The following VTI1A variants were observed in gnomAD, a reference collection of about 807,000 sequenced individuals.
VTI1A encodes the protein vesicle transport through interaction with t-SNAREs 1A, also known as vesicle transport through interaction with t-SNAREs homolog 1A.
A neutral mutation model predicts 34.9 loss-of-function variants in VTI1A; 22 were observed. The ratio of observed to expected loss-of-function variants is 0.63; its 90% confidence interval spans 0.45 to 0.90. The LOEUF is 0.90. Ranked by LOEUF, VTI1A falls within the 40% of genes least tolerant of loss-of-function variation. The pLI, the probability that VTI1A is intolerant of heterozygous loss-of-function variation, is 0.00. For missense variants in VTI1A, 268 were observed against 275.6 expected (o/e 0.97, Z 0.20); for synonymous variants, 87 against 97.3 (o/e 0.89, Z 0.62).
chr10:112,842,891 G>A, the VTI1A span, among the ~76,000 whole-genome samples: 8 of 152,188 alleles, frequency 5.3e-5, no homozygotes, highest in African/African-American at 1.7e-4. Context: ...AAGTAGGAAG[G>A]GTTCCAATAC....
chr10:112,661,747 T>C (rs1847461251), intron 5 of VTI1A, among the ~76,000 whole-genome samples: 2 of 151,248 alleles, frequency 1.3e-5, no homozygotes, highest in South Asian at 4.2e-4. Context: ...GAATGTATCT[T>C]TTTTTTCTGC....
At chr10:112,700,573 A>G (rs1848976291) in intron 7 of VTI1A, among the ~76,000 whole-genome samples, 1 of 152,206 alleles carries the variant, frequency 6.6e-6, no homozygotes, top group African/African-American at 2.4e-5. Context: ...TATCAGAGCT[A>G]GAATTTGAAT....
chr10:112,518,928 A>G (rs1849909478), intron 3 of VTI1A, among the ~76,000 whole-genome samples: 1 of 151,944 alleles, frequency 6.6e-6, no homozygotes, highest in Non-Finnish European at 1.5e-5. Context: ...GTTTTGGGTC[A>G]CCCTAGTATA....
chr10:112,538,240 T>C lies in VTI1A; in HGVS notation c.343-6T>C. 1 of 1,611,174 alleles carries C rather than the reference T, an allele frequency of 6.2e-7. No individual in the cohort carries two copies. The highest frequency in any genetic ancestry group is 8.5e-7 in the Non-Finnish European group (1 of 1,179,054). Reference sequence around the variant, plus strand: ...TGATTTTTTTTTCCCCCTTTTTCTTTTTCAGAGGGCACATCTGCTCGATAA... The same window carrying C: ...TGATTTTTTTTTCCCCCTTTTTCTTCTTCAGAGGGCACATCTGCTCGATAA... On this transcript the variant is annotated splice_polypyrimidine_tract_variant and splice_region_variant and intron_variant, in intron 4 of 7. Transcript: ENST00000393077.
At chr10:112,749,216 T>C (rs920474246) in intron 7 of VTI1A, among the ~76,000 whole-genome samples, 1 of 152,218 alleles carries the variant, frequency 6.6e-6, no homozygotes, top group Non-Finnish European at 1.5e-5. Context: ...TTAGGTGGAT[T>C]TATGGAGTGT....
intron 4 of VTI1A, among the ~76,000 whole-genome samples, chr10:112,536,420 TA>T (rs1257049342): frequency 6.6e-6 from 1 of 152,194 alleles, no homozygotes; most frequent in Non-Finnish European, 1.5e-5. Context: ...ATAAGAAAGC[TA>T]TTTTTGACAA....
intron 3 of VTI1A, among the ~76,000 whole-genome samples, chr10:112,477,952 A>ATTAAAAT (rs1184537015): frequency 9.2e-5 from 14 of 152,256 alleles, no homozygotes; most frequent in African/African-American, 2.9e-4. Flanking sequence ...AGTAAAGCTT[A>ATTAAAAT]GGAGAAAATT....
chr10:112,709,521 G>T (rs1393305147), intron 7 of VTI1A, among the ~76,000 whole-genome samples: 1 of 151,726 alleles, frequency 6.6e-6, no homozygotes, highest in Admixed American at 6.6e-5. Flanking sequence ...CTTGCCTCTT[G>T]CTCTTAATCT....
intron 5 of VTI1A, among the ~76,000 whole-genome samples, chr10:112,589,091 A>G (rs1844278510): frequency 7.3e-6 from 1 of 137,668 alleles, no homozygotes; most frequent in Non-Finnish European, 1.5e-5. Context: ...TAAAAGAACT[A>G]TTTTGTCTTT....
At chr10:112,673,464 G>GCACA (rs1033770562) in intron 7 of VTI1A, among the ~76,000 whole-genome samples, 1 of 33,776 alleles carries the variant, frequency 3.0e-5, no homozygotes, top group Non-Finnish European at 5.6e-5. Flanking sequence ...GCGCGCGTGC[G>GCACA]CGCGCACACA....
intron 7 of VTI1A, chr10:112,736,923 C>T (rs1331084954): frequency 3.1e-6 from 2 of 646,398 alleles, no homozygotes; most frequent in East Asian, 2.7e-5. Flanking sequence ...GAGTACTTGG[C>T]AAGGATGCTA....
At chr10:112,564,595 AC>A (rs571779145) in intron 5 of VTI1A, among the ~76,000 whole-genome samples, 12 of 151,956 alleles carry the variant, frequency 7.9e-5, no homozygotes, top group Non-Finnish European at 1.3e-4. Flanking sequence ...TTACAGGGTT[AC>A]CCCCCTTTTT....
chr10:112,480,225 TCAAA>T (rs1159732239), intron 3 of VTI1A, among the ~76,000 whole-genome samples: 1 of 152,152 alleles, frequency 6.6e-6, no homozygotes, highest in Non-Finnish European at 1.5e-5. Flanking sequence ...TAAACAAATG[TCAAA>T]CTAAAGAACA....
At chr10:112,827,085 T>G in the VTI1A span, 43 of 152,350 alleles carry the variant, frequency 2.8e-4, 1 homozygote, top group African/African-American at 9.4e-4. Context: ...CTTATTTCAC[T>G]TATTTCATTT....
At chr10:112,681,690 C>G (rs1400314338) in intron 7 of VTI1A, among the ~76,000 whole-genome samples, 3 of 152,110 alleles carry the variant, frequency 2.0e-5, no homozygotes, top group Non-Finnish European at 4.4e-5. Context: ...TTTTCACACA[C>G]TTGACTAAAA....
chr10:112,478,155 G>T (rs957742695), intron 3 of VTI1A, among the ~76,000 whole-genome samples: 17 of 152,140 alleles, frequency 1.1e-4, no homozygotes, highest in South Asian at 2.1e-4. Flanking sequence ...GCTAGAAGTA[G>T]TGAATCCTAT....
In VTI1A at chr10:112,668,932, T is replaced by C. The variant is rs573946142; in HGVS notation, c.499-5T>C. The C allele has an allele frequency of 1.2e-6, 2 of 1,612,268 alleles. No homozygotes were observed. Among genetic ancestry groups the C allele is most frequent in the African/African-American group, 1.3e-5 (1 of 74,962 alleles). ...ACTTCTGTTTTGTTTTGTTTCTTCT[T>C]GTAGCTTCGGGAAACAGATGCTAAT... On this transcript the variant is annotated splice_polypyrimidine_tract_variant and splice_region_variant and intron_variant, in intron 6 of 7. Coordinates refer to ENST00000393077, the MANE Select transcript of VTI1A (RefSeq NM_145206.4).
At chr10:112,504,603 A>C (rs915196680) in intron 3 of VTI1A, among the ~76,000 whole-genome samples, 2 of 152,198 alleles carry the variant, frequency 1.3e-5, no homozygotes, top group Non-Finnish European at 2.9e-5. Flanking sequence ...TGCTGAAATG[A>C]ATAACTCTGA....
intron 3 of VTI1A, among the ~76,000 whole-genome samples, chr10:112,474,295 T>C (rs1031076728): frequency 2.6e-5 from 4 of 152,040 alleles, no homozygotes; most frequent in African/African-American, 9.7e-5. Flanking sequence ...CCTTGTGATC[T>C]GCCCTCCTTG....
Sources: gnomAD v4.1 joint callset for allele counts (sites outside exome capture counted in the v4.1 genomes callset) on GRCh38, gnomAD v4.1.1 for gene constraint, MANE v1.5 for transcripts, NCBI Gene and HGNC (gene_info 2026-07-23, HGNC 2026-07-21) for gene names.